Variants in PRKCA observed in about 807,000 individuals in gnomAD.
The protein encoded by PRKCA is protein kinase C alpha type.
PRKCA carries 27 observed loss-of-function variants against 87.0 expected under a neutral mutation model. The observed-to-expected ratio is 0.31, with a 90% CI of 0.23 to 0.43. PRKCA has a LOEUF of 0.43. Ranked by LOEUF, PRKCA falls within the 20% of genes least tolerant of loss-of-function variation. The pLI is 1.00. For missense variants in PRKCA, 518 were observed against 852.3 expected, an observed-to-expected ratio of 0.61 and a Z score of 4.88; for synonymous variants, 329 against 311.1, an observed-to-expected ratio of 1.06 and a Z score of -0.61.
intron 15 of PRKCA, 86 bp downstream of exon 15, chr17:66,787,060 C>T: frequency 9.6e-7 from 1 of 1,040,206 alleles, no homozygotes; most frequent in Non-Finnish European, 1.5e-6. Flanking sequence ...AGAGAGATGG[C>T]AGAAACACCA....
intron 8 of PRKCA, among the ~76,000 whole-genome samples, chr17:66,730,758 C>G (rs1460247902): frequency 6.6e-6 from 1 of 152,190 alleles, no homozygotes; most frequent in African/African-American, 2.4e-5. Flanking sequence ...TCTTGTGAAA[C>G]CAGTCCTGCT....
At chr17:66,702,194 ATATATG>A (rs148113125) in intron 8 of PRKCA, among the ~76,000 whole-genome samples, 10,338 of 152,176 alleles carry the variant, frequency 0.068, 374 homozygotes, top group South Asian at 0.14. Flanking sequence ...GTGTATACAC[ATATATG>A]TATATGTGTG....
At position 66,704,442 on chromosome 17, in the gene PRKCA, A is replaced by G. The variant is rs562017772; in HGVS notation, c.918+15395A>G. On this transcript the variant is annotated intron_variant, in intron 8 of 16. Transcript: ENST00000413366. ...ACTCTATAATAAAATTTGTTAACAC[A>G]TGGAGCAAAAAAATAATCTCAAGCT... 3.3e-5 allele frequency among the ~76,000 whole-genome samples: 5 copies of G among 152,354 alleles called. No homozygotes were observed. In the East Asian group the frequency reaches 5.8e-4, roughly 18 times the overall value.
At chr17:66,518,932 CAG>C (rs1446248755) in intron 3 of PRKCA, among the ~76,000 whole-genome samples, 1 of 152,168 alleles carries the variant, frequency 6.6e-6, no homozygotes, top group Non-Finnish European at 1.5e-5. Context: ...ATCATCAACA[CAG>C]AGCTTTAATA....
At chr17:66,757,004 G>C (rs1471215266) in intron 13 of PRKCA, among the ~76,000 whole-genome samples, 1 of 152,100 alleles carries the variant, frequency 6.6e-6, no homozygotes, top group African/African-American at 2.4e-5. Flanking sequence ...TTTGCTAAGG[G>C]CTTTAGTGGA....
intron 3 of PRKCA, among the ~76,000 whole-genome samples, chr17:66,610,813 T>A (rs1970339933): frequency 4.6e-5 from 7 of 152,174 alleles, no homozygotes; most frequent in Admixed American, 3.3e-4. Flanking sequence ...CTGACCCGAC[T>A]GGCTACTGTT....
chr17:66,545,610 A>G (rs561234447), intron 3 of PRKCA, among the ~76,000 whole-genome samples: 68 of 152,134 alleles, frequency 4.5e-4, no homozygotes, highest in Admixed American at 1.4e-3. Context: ...AATTAATGAG[A>G]AAAAAAGGCT....
At chr17:66,473,114 T>C (rs1163099987) in intron 2 of PRKCA, among the ~76,000 whole-genome samples, 2 of 152,084 alleles carry the variant, frequency 1.3e-5, no homozygotes, top group Non-Finnish European at 2.9e-5. Context: ...CATTCCTCCT[T>C]CTTCTCCTGC....
chr17:66,766,193 A>G (rs1974808708), intron 13 of PRKCA, among the ~76,000 whole-genome samples: 1 of 152,214 alleles, frequency 6.6e-6, no homozygotes, highest in Non-Finnish European at 1.5e-5. Context: ...TGGAGGAAGG[A>G]GAGCGTGTTA....
intron 3 of PRKCA, among the ~76,000 whole-genome samples, chr17:66,612,414 TAAC>T (rs146135671): frequency 0.037 from 4,473 of 122,118 alleles, 207 homozygotes; most frequent in African/African-American, 0.12. Flanking sequence ...CTGGAAAAAA[TAAC>T]AAATATTTTA....
At chr17:66,714,795 T>A (rs1973433422) in intron 8 of PRKCA, among the ~76,000 whole-genome samples, 1 of 152,180 alleles carries the variant, frequency 6.6e-6, no homozygotes, top group African/African-American at 2.4e-5. Context: ...AGACCCCAGA[T>A]CCCATGCTTG....
intron 2 of PRKCA, among the ~76,000 whole-genome samples, chr17:66,460,280 T>C (rs1244517535): frequency 6.6e-6 from 1 of 152,146 alleles, no homozygotes; most frequent in Non-Finnish European, 1.5e-5. Flanking sequence ...ATGGCTGAAG[T>C]CGTGGTTCTT....
chr17:66,629,306 A>G (rs1383769043), intron 3 of PRKCA, among the ~76,000 whole-genome samples: 1 of 152,220 alleles, frequency 6.6e-6, no homozygotes, highest in East Asian at 1.9e-4. Flanking sequence ...ATGTTATACT[A>G]TTTGAACTTC....
intron 8 of PRKCA, among the ~76,000 whole-genome samples, chr17:66,720,890 C>T (rs1006144357): frequency 1.3e-5 from 2 of 152,146 alleles, no homozygotes; most frequent in Non-Finnish European, 2.9e-5. Flanking sequence ...TTACTCAAAG[C>T]CTTATTTTCG....
At chr17:66,755,264 T>A (rs775096833) in intron 13 of PRKCA, among the ~76,000 whole-genome samples, 1 of 152,190 alleles carries the variant, frequency 6.6e-6, no homozygotes, top group Non-Finnish European at 1.5e-5. Flanking sequence ...CATTCCAGAC[T>A]TGGAGAAGCG....
At chr17:66,633,399 T>C (rs1417070048) in intron 3 of PRKCA, among the ~76,000 whole-genome samples, 3 of 152,212 alleles carry the variant, frequency 2.0e-5, no homozygotes, top group African/African-American at 7.2e-5. Flanking sequence ...AGCAGTGTTT[T>C]GGGTGTTTCT....
intron 13 of PRKCA, among the ~76,000 whole-genome samples, chr17:66,755,850 G>A (rs554781310): frequency 2.2e-4 from 34 of 152,256 alleles, no homozygotes; most frequent in Non-Finnish European, 3.8e-4. Flanking sequence ...CACCAGCATT[G>A]GTGGTTGAGT....
intron 8 of PRKCA, among the ~76,000 whole-genome samples, chr17:66,729,061 G>T (rs552783894): frequency 6.6e-6 from 1 of 152,238 alleles, no homozygotes; most frequent in African/African-American, 2.4e-5. Flanking sequence ...TGCAGAGCAG[G>T]GTGGCATAGT....
chr17:66,459,323 C>T (rs1049160566), intron 2 of PRKCA, among the ~76,000 whole-genome samples: 4 of 152,120 alleles, frequency 2.6e-5, no homozygotes, highest in East Asian at 3.9e-4. Context: ...TGAGGCTGCA[C>T]GGAGCCATGA....
Sources: allele counts gnomAD v4.1 joint callset (sites outside exome capture counted in the v4.1 genomes callset), GRCh38; gene constraint gnomAD v4.1.1; transcripts MANE v1.5; gene names NCBI Gene and HGNC (gene_info 2026-07-23, HGNC 2026-07-21).